Variants in ITGA2B observed in about 807,000 individuals in gnomAD.
ITGA2B encodes the protein integrin alpha-IIb.
ITGA2B carries 91 observed loss-of-function variants against 142.0 expected under a neutral mutation model. The observed-to-expected ratio is 0.64, with a 90% CI of 0.54 to 0.76. ITGA2B has a LOEUF of 0.76. ITGA2B is among the 30% of genes least tolerant of loss of function. The probability of loss-of-function intolerance (pLI) is 0.00; values close to 1 mark genes in which losing one functional copy is unlikely to be tolerated. For missense variants in ITGA2B, 1,231 were observed against 1,350.8 expected, an observed-to-expected ratio of 0.91 and a Z score of 1.39; for synonymous variants, 536 against 567.2, an observed-to-expected ratio of 0.94 and a Z score of 0.78.
chr17:44,385,686 G>C lies in ITGA2B; in HGVS notation c.439C>G (p.Leu147Val), dbSNP rs76066357. 0.011 allele frequency: 18,410 copies of C among 1,613,706 alleles called. 144 individuals are homozygous for C. Among genetic ancestry groups the C allele is most frequent in the Non-Finnish European group, 0.014 (16,119 of 1,180,014 alleles). Reference sequence around the variant, plus strand: ...TTCTCAGCCTCCTCAGTCTTTTCTAGGACGTTCCAGTGCTGCCAGGGGGCG... The same window carrying C: ...TTCTCAGCCTCCTCAGTCTTTTCTACGACGTTCCAGTGCTGCCAGGGGGCG... ...ACAPWQHWNVLEKTEEAEKTP... is the reference protein window; with the variant it reads ...ACAPWQHWNVVEKTEEAEKTP... Residue 147 changes from leucine (L) to valine (V), a missense_variant, in exon 4 of 30, where the codon CTA (leucine) becomes GTA (valine). This residue lies in a region of ITGA2B where 318 missense variants were observed against 312.2 expected (regional missense o/e 1.02). Coordinates refer to ENST00000262407, the MANE Select transcript of ITGA2B (RefSeq NM_000419.5).
intron 26 of ITGA2B, 27 bp downstream of exon 26, chr17:44,375,564 G>A (rs1347417467): frequency 7.4e-6 from 12 of 1,611,702 alleles, no homozygotes; most frequent in Non-Finnish European, 8.5e-6. Context: ...CGGGGAGGCC[G>A]GGCCAGAGAC....
At position 44,380,186 on chromosome 17, in the gene ITGA2B, C is replaced by G. The variant is rs967417094; in HGVS notation, c.1601-33G>C. ...GGCAAGCAGAAGAGTCAGGACCTCCCTGGCCAGCCTCCGGGGGAGTCCAAG... is the reference window on the plus strand; with the variant it reads ...GGCAAGCAGAAGAGTCAGGACCTCCGTGGCCAGCCTCCGGGGGAGTCCAAG... On this transcript the variant is annotated intron_variant, in intron 16 of 29. Transcript: ENST00000262407. The G allele has an allele frequency of 5.0e-6, 8 of 1,613,896 alleles. No homozygotes were observed. In the African/African-American group the frequency reaches 1.1e-4, roughly 22 times the overall value.
chr17:44,384,696 A>C (rs1464943380), intron 7 of ITGA2B, 111 bp from the exon 8 acceptor site: 25 of 1,396,828 alleles, frequency 1.8e-5, no homozygotes, highest in Non-Finnish European at 2.4e-5. Flanking sequence ...CATTGTGCAG[A>C]TGGAAAAACG....
At chr17:44,375,164 TC>T (rs2048529940) in intron 26 of ITGA2B, 53 bp from the exon 27 acceptor site, 2 of 1,448,840 alleles carry the variant, frequency 1.4e-6, no homozygotes, top group Non-Finnish European at 9.4e-7. Flanking sequence ...CACCCCATCA[TC>T]CCCCACCCCC....
intron 1 of ITGA2B, among the ~76,000 whole-genome samples, chr17:44,387,504 C>T (rs1458011618): frequency 2.7e-5 from 4 of 149,958 alleles, no homozygotes; most frequent in Middle Eastern, 3.5e-3. Flanking sequence ...GCCTGGGCAA[C>T]GAGAGCGAAA....
chr17:44,381,140 C>T, intron 12 of ITGA2B, 79 bp from the exon 13 acceptor site: 1 of 1,398,928 alleles, frequency 7.1e-7, no homozygotes, highest in Admixed American at 2.0e-5. Flanking sequence ...CTGAGCTTCT[C>T]TGGGAACATC....
chr17:44,388,163 C>T (rs2048666314), intron 1 of ITGA2B, among the ~76,000 whole-genome samples: 1 of 152,092 alleles, frequency 6.6e-6, no homozygotes, highest in Admixed American at 6.6e-5. Context: ...AGCCAAGACT[C>T]TAATCTTGGC....
rs376572405 is a variant in ITGA2B at position 44,384,449 on chromosome 17, A to C, written c.847+89T>G. On this transcript the variant is annotated intron_variant, in intron 8 of 29. Coordinates refer to ENST00000262407, the MANE Select transcript of ITGA2B (RefSeq NM_000419.5). ...TGCACCCAGGGAAAAATGTGTGTGC[A>C]GGAAGATTTCCCTACATAGGGGAGA... is the stretch of plus-strand genomic sequence containing the variant. 3 of 1,608,954 alleles carry C rather than the reference A, an allele frequency of 1.9e-6. No individual in the cohort carries two copies. In the African/African-American group the frequency reaches 4.0e-5, roughly 21 times the overall value.
intron 12 of ITGA2B, 30 bp from the exon 13 acceptor site, chr17:44,381,091 G>A: frequency 1.2e-6 from 2 of 1,607,224 alleles, no homozygotes; most frequent in Non-Finnish European, 1.7e-6. Flanking sequence ...GGAAGTGGCT[G>A]ATTGTTATTC....
chr17:44,387,802 G>A (rs1480076946), intron 1 of ITGA2B, among the ~76,000 whole-genome samples: 1 of 135,436 alleles, frequency 7.4e-6, no homozygotes, highest in Non-Finnish European at 1.5e-5. Context: ...CTCCAGCCTG[G>A]GCAACAAGAG....
chr17:44,383,518 G>A lies in ITGA2B; in HGVS notation c.1185C>T (p.Gly395=), dbSNP rs147634553. 1.4e-5 allele frequency: 23 copies of A among 1,610,214 alleles called. No individual in the cohort carries two copies. In the African/African-American group the frequency reaches 1.5e-4, roughly 10 times the overall value. ...GRFGSAIAPL[G]DLDRDGYNDI... is the part of the protein sequence containing the mutation. ...CATTGTAGCCATCCCGGTCGAGGTCGCCCAGGGGTGCGATGGCAGAGCCGA... is the reference window on the plus strand; with the variant it reads ...CATTGTAGCCATCCCGGTCGAGGTCACCCAGGGGTGCGATGGCAGAGCCGA... Residue 395 remains glycine, a synonymous_variant, in exon 12 of 30, where the codon GGC becomes GGT. Transcript: ENST00000262407.
At position 44,384,114 on chromosome 17, in the gene ITGA2B, G is replaced by C; in HGVS notation, c.916C>G (p.Gln306Glu). ...TCTCCGCGCAGCCGATGCAGCCTCT[G>C]GTAGTAGGAATCCAAAATTTCCACC... is the stretch of plus-strand genomic sequence containing the variant. ...GAVEILDSYY[Q>E]RLHRLRGEQM... The change falls in exon 10 of 30, where the codon CAG (glutamine) becomes GAG (glutamate). Residue 306 changes from glutamine to glutamate, a missense_variant. By Grantham distance (29) the Gln-to-Glu change is conservative (BLOSUM62 2). Transcript: ENST00000262407. 1 of 1,613,698 alleles carries C rather than the reference G, an allele frequency of 6.2e-7. No individual in the cohort carries two copies. Among genetic ancestry groups the C allele is most frequent in the Non-Finnish European group, 8.5e-7 (1 of 1,179,914 alleles).
chr17:44,381,213 G>C, intron 12 of ITGA2B, 152 bp from the exon 13 acceptor site: 3 of 687,018 alleles, frequency 4.4e-6, no homozygotes, highest in Non-Finnish European at 4.8e-6. Context: ...CCCTCCAGGA[G>C]TTAACAATCA....
intron 22 of ITGA2B, 42 bp downstream of exon 22, chr17:44,376,967 C>T (rs377229839): frequency 2.0e-5 from 30 of 1,506,070 alleles, no homozygotes; most frequent in African/African-American, 9.6e-5. Flanking sequence ...GGGGGTCAGA[C>T]GGGGGAAGGG....
intron 18 of ITGA2B, among the ~76,000 whole-genome samples, chr17:44,379,436 T>C (rs563779304): frequency 6.6e-6 from 1 of 151,988 alleles, no homozygotes; most frequent in East Asian, 1.9e-4. Flanking sequence ...GTATTTTTAG[T>C]AGAGATGGGT....
chr17:44,379,660 C>T, intron 18 of ITGA2B, 29 bp downstream of exon 18: 1 of 1,613,754 alleles, frequency 6.2e-7, no homozygotes, highest in Non-Finnish European at 8.5e-7. Context: ...GGTCCTGCAC[C>T]TCCCTGGCCT....
At position 44,385,910 on chromosome 17, in the gene ITGA2B, G is replaced by A; in HGVS notation, c.322C>T (p.Arg108Ter). The change falls in exon 3 of 30, where the codon CGA becomes TGA. Residue 108 changes from arginine to a stop codon, truncating the protein, a stop_gained. Coordinates refer to ENST00000262407, the MANE Select transcript of ITGA2B (RefSeq NM_000419.5). LOFTEE classifies it high-confidence loss of function. ...TGTAAAGTTTGGGAGCCTACATTTC[G>A]GGTCTCATCACCTGGAAGGCACAAG... ...SLLFDLRDETRNVGSQTLQTF... is the reference protein window; with the variant it reads ...SLLFDLRDET 2 of 1,612,810 alleles carry A rather than the reference G, an allele frequency of 1.2e-6. No individual in the cohort carries two copies. Among genetic ancestry groups the A allele is most frequent in the Non-Finnish European group, 1.7e-6 (2 of 1,179,458 alleles).
intron 1 of ITGA2B, among the ~76,000 whole-genome samples, chr17:44,387,510 C>T (rs528533373): frequency 1.3e-5 from 2 of 148,576 alleles, no homozygotes; most frequent in Non-Finnish European, 3.0e-5. Context: ...GCAACGAGAG[C>T]GAAACTCCAT....
In ITGA2B at chr17:44,385,735, A is replaced by G. The variant is rs756446319; in HGVS notation, c.409-19T>C. On this transcript the variant is annotated intron_variant, in intron 3 of 29. Transcript: ENST00000262407. ...CGCAGGCCTGGAGAAAGGCCACAGGAGTGGGGACGGGCGCGAGACTTGGGC... is the reference window on the plus strand; with the variant it reads ...CGCAGGCCTGGAGAAAGGCCACAGGGGTGGGGACGGGCGCGAGACTTGGGC... The G allele has an allele frequency of 1.9e-6, 3 of 1,613,366 alleles. No individual in the cohort carries two copies. The highest frequency in any genetic ancestry group is 3.3e-5 in the Admixed American group (2 of 60,004).
Sources: allele counts gnomAD v4.1 joint callset (sites outside exome capture counted in the v4.1 genomes callset), GRCh38; gene constraint gnomAD v4.1.1; regional missense constraint gnomAD v4.1.1; transcripts MANE v1.5; gene names NCBI Gene and HGNC (gene_info 2026-07-23, HGNC 2026-07-21).